NHERF1: variants seen among roughly 807,000 people sequenced by gnomAD.
The protein encoded by NHERF1 is NHERF family PDZ scaffold protein 1.
At chr17:74,756,139 G>A in the NHERF1 span, among the ~76,000 whole-genome samples, 1 of 151,312 alleles carries the variant, frequency 6.6e-6, no homozygotes, top group African/African-American at 2.4e-5. Flanking sequence ...AGTAGAGATA[G>A]GGTTTCACCA....
the NHERF1 span, among the ~76,000 whole-genome samples, chr17:74,762,547 CT>C: frequency 6.9e-6 from 1 of 145,668 alleles, no homozygotes; most frequent in African/African-American, 2.5e-5. This position sits in a 1 kb window ranked among gnomAD's most constrained non-coding sequence, Gnocchi z 4.2. Flanking sequence ...TGAGTTAGGC[CT>C]TTATTTATTT....
the NHERF1 span, chr17:74,749,366 G>A: frequency 7.6e-7 from 1 of 1,318,758 alleles, no homozygotes; most frequent in African/African-American, 1.5e-5. This position sits in a 1 kb window ranked among gnomAD's most constrained non-coding sequence, Gnocchi z 5.6. Flanking sequence ...CGGCCGTCCA[G>A]CCCCGCGCCC....
the NHERF1 span, among the ~76,000 whole-genome samples, chr17:74,752,606 A>C: frequency 3.3e-5 from 5 of 151,248 alleles, no homozygotes; most frequent in African/African-American, 1.2e-4. Flanking sequence ...CGATCCTCCC[A>C]CCTCATTCTC....
chr17:74,753,180 A>C, the NHERF1 span, among the ~76,000 whole-genome samples: 2 of 152,180 alleles, frequency 1.3e-5, no homozygotes, highest in Non-Finnish European at 2.9e-5. Flanking sequence ...TGCAACCCTC[A>C]GCCTCCACCT....
At chr17:74,764,311 C>T in the NHERF1 span, among the ~76,000 whole-genome samples, 2 of 152,188 alleles carry the variant, frequency 1.3e-5, no homozygotes, top group African/African-American at 2.4e-5. This position sits in a 1 kb window ranked among gnomAD's most constrained non-coding sequence, Gnocchi z 4.9. Flanking sequence ...AAAGGTCCTG[C>T]GACTCCCATC....
At chr17:74,749,039 G>A in the NHERF1 span, 1 of 1,599,428 alleles carries the variant, frequency 6.3e-7, no homozygotes. This position sits in a 1 kb window ranked among gnomAD's most constrained non-coding sequence, Gnocchi z 5.6. Flanking sequence ...GGTGAACGGC[G>A]AAAACGTGGA....
chr17:74,763,458 A>G, the NHERF1 span: 1 of 1,613,550 alleles, frequency 6.2e-7, no homozygotes, highest in Admixed American at 1.7e-5. Context: ...CTGGTGGTGG[A>G]CAGGGAAACT....
the NHERF1 span, among the ~76,000 whole-genome samples, chr17:74,767,382 G>T: frequency 6.6e-6 from 1 of 152,166 alleles, no homozygotes; most frequent in African/African-American, 2.4e-5. Context: ...GAAGGGAAAG[G>T]GGGTGAGGCC....
chr17:74,758,233 C>T, the NHERF1 span, among the ~76,000 whole-genome samples: 1 of 152,194 alleles, frequency 6.6e-6, no homozygotes, highest in South Asian at 2.1e-4. The surrounding 1 kb of genome is among the most constrained non-coding windows in gnomAD (Gnocchi z 4.3). Context: ...GCCCGCCATC[C>T]GCTCCCTGGA....
the NHERF1 span, among the ~76,000 whole-genome samples, chr17:74,752,015 T>G: frequency 3.9e-5 from 6 of 152,230 alleles, no homozygotes; most frequent in South Asian, 1.2e-3. Context: ...ACATATTTCA[T>G]AGTGATCATT....
chr17:74,761,924 G>A, the NHERF1 span: 73 of 1,418,794 alleles, frequency 5.1e-5, no homozygotes, highest in Non-Finnish European at 6.6e-5. This position sits in a 1 kb window ranked among gnomAD's most constrained non-coding sequence, Gnocchi z 4.3. Context: ...AACCTTCCTT[G>A]GTTGGGGAGA....
chr17:74,761,954 G>A, the NHERF1 span: 1 of 1,587,940 alleles, frequency 6.3e-7, no homozygotes, highest in South Asian at 1.1e-5. This position sits in a 1 kb window ranked among gnomAD's most constrained non-coding sequence, Gnocchi z 4.3. Context: ...GCAGAGGACA[G>A]GGAAGGCAGA....
the NHERF1 span, among the ~76,000 whole-genome samples, chr17:74,750,072 G>A: frequency 2.0e-5 from 3 of 152,226 alleles, no homozygotes; most frequent in East Asian, 1.9e-4. Flanking sequence ...GCCATGGGGA[G>A]GAGAGAGAGC....
chr17:74,750,321 G>A, the NHERF1 span, among the ~76,000 whole-genome samples: 1 of 152,192 alleles, frequency 6.6e-6, no homozygotes, highest in Non-Finnish European at 1.5e-5. Context: ...ATTGTGTAGG[G>A]CAGGGCGTGA....
the NHERF1 span, among the ~76,000 whole-genome samples, chr17:74,757,205 TG>T: frequency 1.4e-4 from 21 of 152,300 alleles, no homozygotes; most frequent in African/African-American, 4.3e-4. Flanking sequence ...CTCTGAGTCC[TG>T]GGGGTGTCTG....
chr17:74,764,415 C>T, the NHERF1 span, among the ~76,000 whole-genome samples: 1 of 152,172 alleles, frequency 6.6e-6, no homozygotes, highest in South Asian at 2.1e-4. The surrounding 1 kb of genome is among the most constrained non-coding windows in gnomAD (Gnocchi z 4.9). Context: ...CCTGGAAGTC[C>T]CTAGCTGGCT....
At chr17:74,765,752 A>G in the NHERF1 span, among the ~76,000 whole-genome samples, 2 of 152,030 alleles carry the variant, frequency 1.3e-5, no homozygotes, top group Non-Finnish European at 2.9e-5. Flanking sequence ...GGGTTTCGCC[A>G]TGTTGGCCAG....
chr17:74,749,117 G>C, the NHERF1 span: 1 of 1,576,968 alleles, frequency 6.3e-7, no homozygotes. The surrounding 1 kb of genome is among the most constrained non-coding windows in gnomAD (Gnocchi z 5.6). Flanking sequence ...CCTGCTGGTG[G>C]TCGACCCCGA....
the NHERF1 span, chr17:74,763,242 C>G: frequency 3.6e-6 from 3 of 836,934 alleles, no homozygotes; most frequent in Admixed American, 5.1e-5. Flanking sequence ...GGTCAGTATC[C>G]CCAGGTTGTG....
Sources: gnomAD v4.1 joint callset for allele counts (sites outside exome capture counted in the v4.1 genomes callset) on GRCh38, gnomAD v4.1.1 for gene constraint, Gnocchi (gnomAD v3.1) non-coding constraint, MANE v1.5 for transcripts, NCBI Gene and HGNC (gene_info 2026-07-23, HGNC 2026-07-21) for gene names.